TCF12: variants seen among roughly 807,000 people sequenced by gnomAD.
TCF12 encodes the protein DNA-binding protein HTF4.
A neutral mutation model predicts 86.0 loss-of-function variants in TCF12; 45 were observed. The ratio of observed to expected loss-of-function variants is 0.52; its 90% CI spans 0.41 to 0.67. The LOEUF (loss-of-function observed/expected upper bound fraction) is 0.67. TCF12 is among the 30% of genes least tolerant of loss of function. The pLI is 0.00. For synonymous variants in TCF12, 330 were observed against 299.6 expected, an observed-to-expected ratio of 1.10 and a Z score of -1.05; for missense variants, 881 against 859.9, an observed-to-expected ratio of 1.02 and a Z score of -0.31.
chr15:57,007,755 CTTCT>C lies in TCF12; in HGVS notation c.149-55962_149-55959del, dbSNP rs61173765. 4.8e-3 allele frequency among the ~76,000 whole-genome samples: 407 copies of C among 83,946 alleles called. 9 individuals carry two copies. The highest frequency in any genetic ancestry group is 0.016 in the African/African-American group (375 of 23,946). The allele number at this position is 83,946 out of a possible 152,430, so 55.1% of individuals were successfully genotyped here. On this transcript the variant is annotated intron_variant, in intron 3 of 20. Coordinates refer to ENST00000333725, the MANE Select transcript of TCF12 (RefSeq NM_207037.2). ...GAAAATGATGTAACAAATATTTTTCCTTCTTTCTTTCTTTCTTTCTTTCTTTCTT... is the reference window on the plus strand; with the variant it reads ...GAAAATGATGTAACAAATATTTTTCCTTCTTTCTTTCTTTCTTTCTTTCTT...
chr15:57,098,788 A>G (rs1292833056), intron 5 of TCF12, among the ~76,000 whole-genome samples: 4 of 152,206 alleles, frequency 2.6e-5, no homozygotes, highest in South Asian at 2.1e-4. Context: ...TTATTAACCC[A>G]TTTATCTAAG....
In TCF12 at chr15:57,197,742, G is replaced by T. The variant is rs762981228; in HGVS notation, c.527-31G>T. On this transcript the variant is annotated intron_variant, in intron 7 of 20. Transcript: ENST00000333725. ...TCTTGATTTTTTTCTGGTATATTAT[G>T]CTGAAGAAATGTATTGTTTTCCATC... 2.5e-6 allele frequency: 4 copies of T among 1,610,528 alleles called. No individual in the cohort carries two copies. In the Admixed American group the frequency reaches 5.1e-5, roughly 20 times the overall value.
chr15:57,047,224 T>A (rs1440126193), intron 3 of TCF12, among the ~76,000 whole-genome samples: 4 of 152,242 alleles, frequency 2.6e-5, no homozygotes, highest in African/African-American at 9.6e-5. Flanking sequence ...ATATAATACT[T>A]AGAATATTTA....
chr15:57,208,164 C>G (rs188628788), intron 8 of TCF12, among the ~76,000 whole-genome samples: 1 of 151,192 alleles, frequency 6.6e-6, no homozygotes, highest in Non-Finnish European at 1.5e-5. Flanking sequence ...TCCTGAGTAG[C>G]TGGGATTGCA....
intron 8 of TCF12, among the ~76,000 whole-genome samples, chr15:57,230,714 A>T (rs2151915472): frequency 6.6e-6 from 1 of 152,182 alleles, no homozygotes; most frequent in East Asian, 1.9e-4. Flanking sequence ...AATCAAACTC[A>T]TGTTGATTTT....
chr15:57,092,272 T>TACA (rs2049039496), intron 5 of TCF12, among the ~76,000 whole-genome samples: 1 of 152,190 alleles, frequency 6.6e-6, no homozygotes, highest in South Asian at 2.1e-4. Context: ...ATAGCAGTGA[T>TACA]TTTAGGCAGA....
intron 4 of TCF12, among the ~76,000 whole-genome samples, chr15:57,073,874 G>T (rs991853133): frequency 1.3e-5 from 2 of 152,080 alleles, no homozygotes; most frequent in South Asian, 4.2e-4. Context: ...TCAGCCTCCC[G>T]AGTAGCTGGG....
intron 16 of TCF12, among the ~76,000 whole-genome samples, chr15:57,254,259 C>G (rs771509943): frequency 2.0e-5 from 3 of 152,112 alleles, no homozygotes; most frequent in Admixed American, 1.3e-4. Context: ...AAAAACTTAC[C>G]TATCATCAAA....
At chr15:57,281,016 G>A (rs1047845401) in intron 19 of TCF12, among the ~76,000 whole-genome samples, 1 of 151,898 alleles carries the variant, frequency 6.6e-6, no homozygotes, top group African/African-American at 2.4e-5. Context: ...AACAGGAATA[G>A]TAAGTAGTGT....
intron 4 of TCF12, 42 bp downstream of exon 4, chr15:57,063,865 C>G: frequency 6.9e-7 from 1 of 1,458,470 alleles, no homozygotes; most frequent in Non-Finnish European, 9.4e-7. Context: ...TGTAATTTGG[C>G]AGACTACGTA....
At chr15:57,281,947 G>A (rs1250534460) in intron 19 of TCF12, among the ~76,000 whole-genome samples, 4 of 150,146 alleles carry the variant, frequency 2.7e-5, no homozygotes, top group East Asian at 2.0e-4. Flanking sequence ...TGTCTTCCAC[G>A]AAACCAGTCC....
intron 3 of TCF12, among the ~76,000 whole-genome samples, chr15:57,010,416 A>C (rs34157525): frequency 3.3e-5 from 5 of 152,234 alleles, no homozygotes; most frequent in Admixed American, 2.6e-4. Context: ...GCCTATCTTT[A>C]AGTTAAAAAA....
intron 3 of TCF12, among the ~76,000 whole-genome samples, chr15:57,028,089 G>C (rs1225772393): frequency 6.6e-6 from 1 of 151,966 alleles, no homozygotes; most frequent in Non-Finnish European, 1.5e-5. Flanking sequence ...TCAGCCTCCT[G>C]AGTAGCTGGG....
intron 4 of TCF12, among the ~76,000 whole-genome samples, chr15:57,067,794 A>C (rs1262205936): frequency 6.6e-6 from 1 of 152,192 alleles, no homozygotes; most frequent in Admixed American, 6.5e-5. Flanking sequence ...CATGTTGTGA[A>C]TAGCACTTCC....
rs142637219 is a variant in TCF12 at position 56,970,750 on chromosome 15, A to G, written c.148+49652A>G. Among the ~76,000 whole-genome samples the G allele has an allele frequency of 2.8e-4, 42 of 151,528 alleles. No individual in the cohort carries two copies. In the East Asian group the frequency reaches 5.0e-3, roughly 18 times the overall value. On this transcript the variant is annotated intron_variant, in intron 3 of 20. Transcript: ENST00000333725. ...GTAATTACAAAGTCAAAAGACAGAT[A>G]GAAAATTGGAAGAAAACAGCTGGGC...
intron 3 of TCF12, among the ~76,000 whole-genome samples, chr15:57,051,052 A>G (rs1337318248): frequency 6.6e-6 from 1 of 152,226 alleles, no homozygotes; most frequent in Non-Finnish European, 1.5e-5. Flanking sequence ...TTAATTTCAT[A>G]TTGGAAAATG....
chr15:57,082,888 T>G (rs1182806188), intron 4 of TCF12, among the ~76,000 whole-genome samples: 1 of 152,136 alleles, frequency 6.6e-6, no homozygotes, highest in African/African-American at 2.4e-5. Flanking sequence ...CAACCTTATT[T>G]GTAATAGGGA....
chr15:57,080,431 C>A (rs998545871), intron 4 of TCF12, among the ~76,000 whole-genome samples: 2 of 152,134 alleles, frequency 1.3e-5, no homozygotes, highest in Admixed American at 6.6e-5. Flanking sequence ...GCACCTGTGT[C>A]CTTTAGCCAG....
chr15:56,961,117 ACT>A (rs1168657122), intron 3 of TCF12, among the ~76,000 whole-genome samples: 1 of 77,014 alleles, frequency 1.3e-5, no homozygotes, highest in East Asian at 4.2e-4. Flanking sequence ...CAAGAGTGAA[ACT>A]CTGTCTCAAA....
Sources: gnomAD v4.1 joint callset for allele counts (sites outside exome capture counted in the v4.1 genomes callset) on GRCh38, gnomAD v4.1.1 for gene constraint, MANE v1.5 for transcripts, NCBI Gene and HGNC (gene_info 2026-07-23, HGNC 2026-07-21) for gene names.